Variants in FAM13B observed in about 807,000 individuals in gnomAD.
FAM13B encodes protein FAM13B.
FAM13B carries 60 observed loss-of-function variants against 117.3 expected under a neutral mutation model. That is an observed-to-expected ratio of 0.51 (90% CI 0.42 to 0.63). The LOEUF is 0.63. Ranked by LOEUF, FAM13B falls within the 30% of genes least tolerant of loss-of-function variation. The pLI is 0.00. For missense variants in FAM13B, 972 were observed against 1,091.9 expected, an observed-to-expected ratio of 0.89 and a Z score of 1.55; for synonymous variants, 332 against 356.1, an observed-to-expected ratio of 0.93 and a Z score of 0.76.
intron 1 of FAM13B, among the ~76,000 whole-genome samples, chr5:138,030,740 G>A (rs1387903389): frequency 3.8e-5 from 5 of 130,928 alleles, no homozygotes; most frequent in Admixed American, 8.5e-5. Flanking sequence ...AAAATTGAAC[G>A]TAAGGCTGGG....
intron 10 of FAM13B, among the ~76,000 whole-genome samples, chr5:137,966,636 T>C (rs578178521): frequency 1.9e-3 from 286 of 151,766 alleles, no homozygotes; most frequent in African/African-American, 6.7e-3. Context: ...ACATAGCATA[T>C]GAAAAACTTA....
At chr5:138,041,752 C>T (rs1331995218) in intron 1 of FAM13B, among the ~76,000 whole-genome samples, 1 of 150,702 alleles carries the variant, frequency 6.6e-6, no homozygotes, top group Non-Finnish European at 1.5e-5. Context: ...GCCTGGGCAA[C>T]ATAGCAAGAC....
chr5:137,957,109 A>C (rs898264081), intron 13 of FAM13B, among the ~76,000 whole-genome samples: 1 of 152,262 alleles, frequency 6.6e-6, no homozygotes, highest in South Asian at 2.1e-4. Flanking sequence ...GTACTTAGGA[A>C]TAGTGACATA....
chr5:138,048,605 C>T (rs374202997), intron 1 of FAM13B, among the ~76,000 whole-genome samples: 5 of 152,152 alleles, frequency 3.3e-5, no homozygotes, highest in African/African-American at 1.2e-4. Context: ...GGAGGCAAAT[C>T]CCTCTCCCCT....
chr5:138,016,217 G>C (rs916543214), intron 4 of FAM13B, among the ~76,000 whole-genome samples: 1 of 152,182 alleles, frequency 6.6e-6, no homozygotes, highest in African/African-American at 2.4e-5. Context: ...TGAAAGAAAA[G>C]AAGGGGTAGG....
intron 2 of FAM13B, among the ~76,000 whole-genome samples, chr5:138,020,221 C>T (rs1035324233): frequency 3.3e-5 from 5 of 151,876 alleles, no homozygotes; most frequent in Non-Finnish European, 5.9e-5. Flanking sequence ...CCACCACGCC[C>T]GGCTAATTTT....
intron 1 of FAM13B, among the ~76,000 whole-genome samples, chr5:138,049,017 C>T (rs1791721342): frequency 1.3e-5 from 2 of 149,424 alleles, no homozygotes; most frequent in Admixed American, 1.3e-4. Flanking sequence ...TCTTGGCTCA[C>T]TGCAACCTCC....
intron 18 of FAM13B, among the ~76,000 whole-genome samples, chr5:137,948,185 A>G (rs1024295937): frequency 6.6e-6 from 1 of 152,174 alleles, no homozygotes; most frequent in African/African-American, 2.4e-5. Flanking sequence ...CTCTTCAAAA[A>G]AAAAAAAAAT....
chr5:138,036,744 G>A, upstream of FAM13B: 1 of 366,850 alleles, frequency 2.7e-6, no homozygotes, highest in South Asian at 2.1e-5. Flanking sequence ...TTGGTGGATG[G>A]AGGGAAGAAG....
At position 137,941,893 on chromosome 5, in the gene FAM13B, G is replaced by A; in HGVS notation, c.2690+51C>T. 3.5e-6 allele frequency: 5 copies of A among 1,412,984 alleles called. No individual in the cohort carries two copies. The Middle Eastern group carries it at 7.3e-4, about 207-fold the overall frequency. 87.5% of individuals were successfully genotyped at this position (1,412,984 alleles called of 1,614,324 possible). A position where few individuals can be genotyped will look rare whatever the true frequency, so the allele number is the denominator to read the frequency against. Reference sequence around the variant, plus strand: ...ATTCCATTATTTCAACATATGGTCAGTTTGTGAGTTAGAGAAGAAAGATGA... The same window carrying A: ...ATTCCATTATTTCAACATATGGTCAATTTGTGAGTTAGAGAAGAAAGATGA... On this transcript the variant is annotated intron_variant, in intron 23 of 23. Coordinates refer to ENST00000689681, the MANE Select transcript of FAM13B (RefSeq NM_001385994.1).
upstream of FAM13B, chr5:138,036,392 T>A: frequency 2.2e-6 from 1 of 456,666 alleles, no homozygotes; most frequent in Non-Finnish European, 4.4e-6. Context: ...GAGTACAGGC[T>A]AATCCCAGTG....
chr5:138,020,165 G>T (rs1213429000), intron 2 of FAM13B, among the ~76,000 whole-genome samples: 2 of 149,370 alleles, frequency 1.3e-5, no homozygotes, highest in Non-Finnish European at 3.0e-5. Context: ...GGTTCAGGCG[G>T]TTCTCCTGCC....
chr5:137,972,696 T>C (rs1772602951), intron 10 of FAM13B, among the ~76,000 whole-genome samples: 1 of 151,796 alleles, frequency 6.6e-6, no homozygotes, highest in African/African-American at 2.4e-5. Flanking sequence ...GACATGATTG[T>C]ATATCTAGAA....
At chr5:138,044,047 T>C (rs1332781923) in intron 1 of FAM13B, among the ~76,000 whole-genome samples, 1 of 151,988 alleles carries the variant, frequency 6.6e-6, no homozygotes, top group Admixed American at 6.6e-5. Flanking sequence ...ACCTCCTATG[T>C]AGCTGGAACT....
chr5:138,008,976 A>G (rs905650413), intron 6 of FAM13B, among the ~76,000 whole-genome samples: 4 of 152,018 alleles, frequency 2.6e-5, no homozygotes, highest in African/African-American at 9.7e-5. Context: ...AATCCAACCT[A>G]TACTAAAAAT....
chr5:138,036,327 GC>G, upstream of FAM13B: 1 of 452,568 alleles, frequency 2.2e-6, no homozygotes, highest in Non-Finnish European at 4.4e-6. Context: ...GCTCTGTATG[GC>G]CCACACCTGG....
At chr5:137,991,810 A>C in intron 7 of FAM13B, among the ~76,000 whole-genome samples, 1 of 152,184 alleles carries the variant, frequency 6.6e-6, no homozygotes, top group Non-Finnish European at 1.5e-5. Context: ...TGAAAGGTAA[A>C]ATAATAAAGC....
chr5:137,977,795 C>A (rs952744071), intron 10 of FAM13B, among the ~76,000 whole-genome samples: 29 of 152,340 alleles, frequency 1.9e-4, no homozygotes, highest in African/African-American at 6.3e-4. Context: ...CCTACCAAAG[C>A]TCCTCTTTCT....
chr5:137,961,726 A>C (rs1768182653), intron 11 of FAM13B, among the ~76,000 whole-genome samples: 1 of 152,186 alleles, frequency 6.6e-6, no homozygotes, highest in African/African-American at 2.4e-5. Flanking sequence ...TTCATTACTG[A>C]AGTGTTTTCA....
Sources: allele counts gnomAD v4.1 joint callset (sites outside exome capture counted in the v4.1 genomes callset), GRCh38; gene constraint gnomAD v4.1.1; transcripts MANE v1.5; gene names NCBI Gene and HGNC (gene_info 2026-07-23, HGNC 2026-07-21).